Variants in TMEM74 observed in about 807,000 individuals in gnomAD.
TMEM74 encodes transmembrane protein 74.
In TMEM74, 13 loss-of-function variants were observed where a neutral mutation model predicts 18.1. The observed-to-expected ratio is 0.72, with a 90% CI of 0.47 to 1.14. The LOEUF (loss-of-function observed/expected upper bound fraction) is 1.14, where lower values mean the gene tolerates loss of function less well. TMEM74 is among the 50% of genes most tolerant of loss of function. The pLI is 0.00. For synonymous variants in TMEM74, 159 were observed against 146.6 expected (o/e 1.08, Z -0.61); for missense variants, 372 against 375.9 (o/e 0.99, Z 0.09).
At chr8:108,676,444 C>T (rs895020700) in intron 1 of TMEM74, among the ~76,000 whole-genome samples, 13 of 152,140 alleles carry the variant, frequency 8.5e-5, no homozygotes, top group Admixed American at 2.0e-4. Flanking sequence ...CCCTCAAAGC[C>T]TTCACACAAG....
At chr8:108,646,542 G>A (rs1812722146) in intron 2 of TMEM74, among the ~76,000 whole-genome samples, 1 of 152,010 alleles carries the variant, frequency 6.6e-6, no homozygotes, top group Non-Finnish European at 1.5e-5. Context: ...ACAAGAATAT[G>A]CCTTTTATTG....
chr8:108,733,852 A>C (rs1286138001), intron 1 of TMEM74, among the ~76,000 whole-genome samples: 2 of 152,212 alleles, frequency 1.3e-5, no homozygotes, highest in African/African-American at 2.4e-5. Context: ...TCACAGGTAT[A>C]AGCCAGTTGC....
At chr8:108,762,939 T>C (rs1481042016) in intron 1 of TMEM74, among the ~76,000 whole-genome samples, 1 of 152,142 alleles carries the variant, frequency 6.6e-6, no homozygotes, top group Non-Finnish European at 1.5e-5. Context: ...AGTTTTGCTT[T>C]GTTTACCTTT....
chr8:108,613,543 G>A lies in TMEM74; in HGVS notation n.265-4717C>T, dbSNP rs751759835. Among the ~76,000 whole-genome samples, 4 of 152,160 alleles carry A rather than the reference G, an allele frequency of 2.6e-5. No homozygotes were observed. The East Asian group carries it at 5.8e-4, about 22-fold the overall frequency. On this transcript the variant is annotated intron_variant and non_coding_transcript_variant, in intron 2 of 3. Coordinates refer to the TMEM74 transcript ENST00000518838. ...TGAATCAGATTGCTGTCAAATCCAC[G>A]TATTTTTTTATTTGGATACACTTCA...
At position 108,696,088 on chromosome 8, in the gene TMEM74, A is replaced by G. The variant is rs183805789; in HGVS notation, n.120-40651T>C. 6.6e-5 allele frequency among the ~76,000 whole-genome samples: 10 copies of G among 152,316 alleles called. No individual in the cohort carries two copies. In the East Asian group the frequency reaches 1.2e-3, roughly 18 times the overall value. ...CCATCAAAAAGTATGACATTTTCCAATGACAAAATGCTTGACAGTATCACA... is the reference window on the plus strand; with the variant it reads ...CCATCAAAAAGTATGACATTTTCCAGTGACAAAATGCTTGACAGTATCACA... On this transcript the variant is annotated intron_variant and non_coding_transcript_variant, in intron 1 of 3. Coordinates refer to the TMEM74 transcript ENST00000518838.
intron 1 of TMEM74, among the ~76,000 whole-genome samples, chr8:108,766,505 A>G (rs80191013): frequency 0.018 from 2,730 of 152,228 alleles, 90 homozygotes; most frequent in African/African-American, 0.062. Context: ...GCCCTCATTC[A>G]TGGAAACATG....
chr8:108,785,113 C>T lies in TMEM74; in HGVS notation c.-15G>A. ...TGGAGCTCCATGAGAGCTAGTCAGA[C>T]ATCCCCCAGCAGCTTCCGGAAAGTC... On this transcript the variant is annotated 5_prime_UTR_variant, in exon 2 of 2. An upstream start codon of the reference 5' UTR is lost. Coordinates refer to ENST00000297459, the MANE Select transcript of TMEM74 (RefSeq NM_153015.3). 1 of 1,563,962 alleles carries T rather than the reference C, an allele frequency of 6.4e-7. No homozygotes were observed. The highest frequency in any genetic ancestry group is 8.6e-7 in the Non-Finnish European group (1 of 1,158,686).
chr8:108,717,314 T>C (rs979129212), intron 1 of TMEM74, among the ~76,000 whole-genome samples: 1 of 152,164 alleles, frequency 6.6e-6, no homozygotes, highest in African/African-American at 2.4e-5. Context: ...TATGTAATCA[T>C]TTCAATAGAT....
intron 2 of TMEM74, among the ~76,000 whole-genome samples, chr8:108,651,900 A>G (rs1170659503): frequency 6.6e-6 from 1 of 151,960 alleles, no homozygotes; most frequent in Non-Finnish European, 1.5e-5. Context: ...TTGAGATTAC[A>G]ATGACTTCCT....
intron 2 of TMEM74, among the ~76,000 whole-genome samples, chr8:108,615,336 A>G (rs1812372539): frequency 1.3e-5 from 2 of 152,292 alleles, no homozygotes; most frequent in South Asian, 4.1e-4. Context: ...AACAAGACAC[A>G]TTTGTATACT....
At chr8:108,690,240 T>C (rs1322697415) in intron 1 of TMEM74, among the ~76,000 whole-genome samples, 40 of 152,156 alleles carry the variant, frequency 2.6e-4, no homozygotes, top group Non-Finnish European at 7.4e-5. Flanking sequence ...AGGCTAACTT[T>C]GTCTAATGTG....
At chr8:108,687,355 A>C (rs1813180638) in intron 1 of TMEM74, among the ~76,000 whole-genome samples, 1 of 63,986 alleles carries the variant, frequency 1.6e-5, no homozygotes, top group Non-Finnish European at 2.6e-5. Flanking sequence ...AACAAGCAGC[A>C]GACTGGGAGA....
chr8:108,651,788 A>G (rs546552117), intron 2 of TMEM74, among the ~76,000 whole-genome samples: 1 of 151,080 alleles, frequency 6.6e-6, no homozygotes, highest in Non-Finnish European at 1.5e-5. Flanking sequence ...GAGAAGAGTT[A>G]TTTTTTTTTG....
At chr8:108,750,525 T>G (rs1419636478) in intron 1 of TMEM74, among the ~76,000 whole-genome samples, 1 of 152,024 alleles carries the variant, frequency 6.6e-6, no homozygotes, top group Non-Finnish European at 1.5e-5. Flanking sequence ...CTAAAAGTGA[T>G]AAATTGGGAG....
intron 1 of TMEM74, among the ~76,000 whole-genome samples, chr8:108,727,449 T>C (rs1175731083): frequency 6.6e-6 from 1 of 152,152 alleles, no homozygotes; most frequent in African/African-American, 2.4e-5. Context: ...ATGTGGAATA[T>C]GATGGAAGGA....
chr8:108,611,640 C>T (rs568264052), intron 2 of TMEM74, among the ~76,000 whole-genome samples: 29 of 152,150 alleles, frequency 1.9e-4, no homozygotes, highest in African/African-American at 6.3e-4. Context: ...GTGTTGTTGC[C>T]GATTTTTAAT....
At chr8:108,669,258 T>C (rs1274124890) in intron 1 of TMEM74, among the ~76,000 whole-genome samples, 1 of 152,182 alleles carries the variant, frequency 6.6e-6, no homozygotes, top group Non-Finnish European at 1.5e-5. Flanking sequence ...TCTTTCTTTC[T>C]GCCTAAGACT....
chr8:108,709,555 T>G (rs1244332450), intron 1 of TMEM74, among the ~76,000 whole-genome samples: 1 of 152,202 alleles, frequency 6.6e-6, no homozygotes, highest in African/African-American at 2.4e-5. Flanking sequence ...TGTTGTTCAG[T>G]GGCATAAAGT....
rs909727357 is a variant in TMEM74, at chr8:108,644,040, A to T, written n.264+11253T>A. ...AGAACCAAAAAAAGAGCCTAAGTAG[A>T]CAAAGCAATCTCAAGCAAAAAGAAC... On this transcript the variant is annotated intron_variant and non_coding_transcript_variant, in intron 2 of 3. Transcript: ENST00000518838. 5.3e-5 allele frequency among the ~76,000 whole-genome samples: 8 copies of T among 152,278 alleles called. No homozygotes were observed. The East Asian group carries it at 1.5e-3, about 29-fold the overall frequency.
Sources: gnomAD v4.1 joint callset for allele counts (sites outside exome capture counted in the v4.1 genomes callset) on GRCh38, gnomAD v4.1.1 for gene constraint, MANE v1.5 for transcripts, NCBI Gene and HGNC (gene_info 2026-07-23, HGNC 2026-07-21) for gene names.